FUCA1: variants seen among roughly 807,000 people sequenced by gnomAD.
FUCA1 encodes tissue alpha-L-fucosidase.
FUCA1 carries 52 observed loss-of-function variants against 56.8 expected under a neutral mutation model. The observed-to-expected ratio is 0.92, with a 90% CI of 0.73 to 1.15. FUCA1 has a LOEUF of 1.15. Ranked by LOEUF, FUCA1 falls within the 50% of genes most tolerant of loss-of-function variation. The probability of loss-of-function intolerance (pLI) is 0.00; values close to 1 mark genes in which losing one functional copy is unlikely to be tolerated. For synonymous variants in FUCA1, 230 were observed against 226.6 expected (o/e 1.02, Z -0.14); for missense variants, 568 against 592.6 (o/e 0.96, Z 0.43).
In FUCA1 at chr1:23,845,133, A is replaced by C. The variant is rs1361297231; in HGVS notation, c.*582T>G. ...ATTTTTTATTTGATCATACTTAAAAAGACAGAGCAGAATCACATTCATTTT... is the reference window on the plus strand; with the variant it reads ...ATTTTTTATTTGATCATACTTAAAACGACAGAGCAGAATCACATTCATTTT... On this transcript the variant is annotated 3_prime_UTR_variant, in exon 8 of 8. Transcript: ENST00000374479. The C allele has an allele frequency of 6.3e-6, 1 of 158,296 alleles. No individual in the cohort carries two copies. Among genetic ancestry groups the C allele is most frequent in the Admixed American group, 5.9e-5 (1 of 16,866 alleles). The allele number at this position is 158,296 out of a possible 1,614,324, so 9.8% of individuals were successfully genotyped here.
At chr1:23,852,437 A>T (rs1310100196) in intron 5 of FUCA1, among the ~76,000 whole-genome samples, 1 of 148,406 alleles carries the variant, frequency 6.7e-6, no homozygotes, top group Non-Finnish European at 1.5e-5. Context: ...AAAAAACAAA[A>T]AACTCCCCTC....
In FUCA1 at chr1:23,848,774, T is replaced by A. The variant is rs150532144; in HGVS notation, c.1035A>T (p.Gly345=). 3.1e-6 allele frequency: 5 copies of A among 1,613,978 alleles called. No homozygotes were observed. The African/African-American group carries it at 5.3e-5, about 17-fold the overall frequency. ...YLLNIGPTKD[G]LIVPIFQERL... ...TTTCTTGGAAGATGGGAACAATCAGTCCATCTTTAGTTGGTCCAATGTTCA... is the reference window on the plus strand; with the variant it reads ...TTTCTTGGAAGATGGGAACAATCAGACCATCTTTAGTTGGTCCAATGTTCA... Residue 345 remains glycine, a synonymous_variant, in exon 6 of 8, where the codon GGA becomes GGT. Coordinates refer to ENST00000374479, the MANE Select transcript of FUCA1 (RefSeq NM_000147.5).
At position 23,846,148 on chromosome 1, in the gene FUCA1, A is replaced by T. The variant is rs1639135201; in HGVS notation, c.1186T>A (p.Tyr396Asn). Reference sequence around the variant, plus strand: ...TCTGGCCAGTGCAGAAAAATGGCATAAACAGCCGATCCCTTTGAGGTATAC... The same window carrying T: ...TCTGGCCAGTGCAGAAAAATGGCATTAACAGCCGATCCCTTTGAGGTATAC... The part of the protein sequence containing the change: ...VWYTSKGSAV[Y>N]AIFLHWPENG... The change falls in exon 7 of 8, where the codon TAT becomes AAT. Residue 396 changes from tyrosine (Y) to asparagine (N), a missense_variant. Transcript: ENST00000374479. 1.2e-6 allele frequency: 2 copies of T among 1,613,950 alleles called. No homozygotes were observed. The highest frequency in any genetic ancestry group is 2.2e-5 in the East Asian group (1 of 44,906).
intron 5 of FUCA1, among the ~76,000 whole-genome samples, chr1:23,849,572 G>A (rs1008035542): frequency 3.1e-5 from 4 of 130,042 alleles, no homozygotes; most frequent in Non-Finnish European, 4.8e-5. Context: ...AAAGAGATAC[G>A]TTCTTTTTTT....
chr1:23,857,561 G>A (rs1457290899), intron 4 of FUCA1, among the ~76,000 whole-genome samples: 9 of 151,038 alleles, frequency 6.0e-5, no homozygotes, highest in Admixed American at 5.3e-4. Context: ...ACAGTGGCAC[G>A]ATCTCTGCTC....
intron 6 of FUCA1, 152 bp downstream of exon 6, chr1:23,848,497 C>T (rs1361893444): frequency 1.3e-6 from 1 of 741,450 alleles, no homozygotes; most frequent in Admixed American, 2.1e-5. Flanking sequence ...TGAGACATAA[C>T]TCAAATGGGG....
Position 23,854,412 on chromosome 1 carries a change from T to C in FUCA1, c.917A>G (p.Tyr306Cys), listed in dbSNP as rs749790121. 1.4e-5 allele frequency: 23 copies of C among 1,614,138 alleles called. No homozygotes were observed. In the South Asian group the frequency reaches 1.9e-4, roughly 13 times the overall value. ...CTSIDKFSWG[Y>C]RRDMALSDVT... is the part of the protein sequence containing the mutation. ...ATCAGACAATGCCATGTCACGACGA[T>C]AGCCCCAGGAAAACTTGTCAATGCT... Residue 306 changes from tyrosine (Y) to cysteine (C), a missense_variant, in exon 5 of 8, where the codon TAT becomes TGT. By Grantham distance (194) the Tyr-to-Cys change is radical (BLOSUM62 -2). Transcript: ENST00000374479.
intron 4 of FUCA1, among the ~76,000 whole-genome samples, chr1:23,857,959 C>T (rs570241849): frequency 2.0e-5 from 3 of 151,674 alleles, no homozygotes; most frequent in South Asian, 2.1e-4. Flanking sequence ...TGAGCCACCA[C>T]GCCCGGCCTT....
chr1:23,851,269 CAGG>C (rs760926745), intron 5 of FUCA1, among the ~76,000 whole-genome samples: 2 of 152,092 alleles, frequency 1.3e-5, no homozygotes, highest in Non-Finnish European at 2.9e-5. Flanking sequence ...GAGGCTGAGG[CAGG>C]AGAATTGCTT....
chr1:23,852,932 C>T (rs1275965602), intron 5 of FUCA1, among the ~76,000 whole-genome samples: 23 of 150,818 alleles, frequency 1.5e-4, no homozygotes, highest in Non-Finnish European at 3.1e-4. Context: ...TCTGCCTGGC[C>T]GCCCATCGTC....
At chr1:23,865,343 C>G (rs769765347) in intron 2 of FUCA1, 148 bp downstream of exon 2, 15 of 1,006,732 alleles carry the variant, frequency 1.5e-5, no homozygotes, top group Non-Finnish European at 2.2e-5. Context: ...ATATGCAAAC[C>G]TAGAAAACAC....
At chr1:23,859,388 G>A (rs1403003771) in intron 4 of FUCA1, among the ~76,000 whole-genome samples, 3 of 152,032 alleles carry the variant, frequency 2.0e-5, no homozygotes, top group South Asian at 2.1e-4. Flanking sequence ...CCAACATGGC[G>A]AAACCCTGTC....
Position 23,848,794 on chromosome 1 carries a change from T to C in FUCA1, c.1015A>G (p.Ile339Val), listed in dbSNP as rs1371500395. Residue 339 changes from isoleucine (I) to valine (V), a missense_variant, in exon 6 of 8, where the codon ATT becomes GTT. Ile to Val is a conservative substitution (Grantham distance 29). Transcript: ENST00000374479. ...ATCAGTCCATCTTTAGTTGGTCCAATGTTCAGAAGATAGTTGCCTCCCAAA... is the reference window on the plus strand; with the variant it reads ...ATCAGTCCATCTTTAGTTGGTCCAACGTTCAGAAGATAGTTGCCTCCCAAA... ...VSLGGNYLLNIGPTKDGLIVP... is the reference protein window; with the variant it reads ...VSLGGNYLLNVGPTKDGLIVP... 4 of 1,614,080 alleles carry C rather than the reference T, an allele frequency of 2.5e-6. No homozygotes were observed. The highest frequency in any genetic ancestry group is 1.7e-5 in the Admixed American group (1 of 60,006).
At chr1:23,847,739 A>G (rs111281095) in intron 6 of FUCA1, among the ~76,000 whole-genome samples, 6,196 of 152,222 alleles carry the variant, frequency 0.041, 189 homozygotes, top group Non-Finnish European at 0.061. Flanking sequence ...TATCCAGTCT[A>G]AGCCAGGTGC....
At chr1:23,860,203 G>T (rs189182061) in intron 3 of FUCA1, among the ~76,000 whole-genome samples, 43 of 152,098 alleles carry the variant, frequency 2.8e-4, no homozygotes, top group Non-Finnish European at 3.1e-4. Context: ...AAAGTATGTG[G>T]CATAAAAATT....
chr1:23,850,678 G>A (rs2148439907), intron 5 of FUCA1, among the ~76,000 whole-genome samples: 1 of 152,146 alleles, frequency 6.6e-6, no homozygotes, highest in Middle Eastern at 3.4e-3. Context: ...AGTAGAGACG[G>A]GGTTTCACCA....
Position 23,867,749 on chromosome 1 carries a change from G to A in FUCA1, c.389+149C>T, listed in dbSNP as rs1347261377. The A allele has an allele frequency of 1.4e-6, 2 of 1,420,616 alleles. No homozygotes were observed. The highest frequency in any genetic ancestry group is 1.5e-5 in the South Asian group (1 of 65,594). The allele number at this position is 1,420,616 out of a possible 1,614,324, so 88.0% of individuals were successfully genotyped here. A position where few individuals can be genotyped will look rare whatever the true frequency, so the allele number is the denominator to read the frequency against. On this transcript the variant is annotated intron_variant, in intron 1 of 7. Transcript: ENST00000374479. This position sits in a 1 kb window ranked among gnomAD's most constrained non-coding sequence, Gnocchi z 4.9. The stretch of plus-strand genomic sequence containing the variant: ...CTCCTCCTCCTCATCAGGTGTGCCA[G>A]GCTCACTCCTGTGGCCGCAGGAGGC...
At chr1:23,859,166 G>T (rs1207391082) in intron 4 of FUCA1, among the ~76,000 whole-genome samples, 1 of 151,950 alleles carries the variant, frequency 6.6e-6, no homozygotes, top group Non-Finnish European at 1.5e-5. Flanking sequence ...ACATTTGTTT[G>T]CTTAATAGAG....
chr1:23,862,230 A>T (rs1320362411), intron 3 of FUCA1, among the ~76,000 whole-genome samples: 3 of 152,212 alleles, frequency 2.0e-5, no homozygotes, highest in Non-Finnish European at 4.4e-5. Context: ...GTACAGTAGC[A>T]GGATCTCGGC....
Sources: allele counts gnomAD v4.1 joint callset (sites outside exome capture counted in the v4.1 genomes callset), GRCh38; gene constraint gnomAD v4.1.1; non-coding constraint Gnocchi (gnomAD v3.1); transcripts MANE v1.5; gene names NCBI Gene and HGNC (gene_info 2026-07-23, HGNC 2026-07-21).